The following FTO variants were observed in gnomAD, a reference collection of about 807,000 sequenced individuals.
FTO encodes the protein alpha-ketoglutarate-dependent dioxygenase FTO.
In FTO, 47 loss-of-function variants were observed where a neutral mutation model predicts 63.9. That is an observed-to-expected ratio of 0.74 (90% confidence interval 0.58 to 0.94). The LOEUF (loss-of-function observed/expected upper bound fraction) is 0.94, where lower values mean the gene tolerates loss of function less well. FTO is among the 40% of genes least tolerant of loss of function. FTO has a pLI of 0.00. For synonymous variants in FTO, 207 were observed against 224.4 expected, an observed-to-expected ratio of 0.92 and a Z score of 0.69; for missense variants, 562 against 618.1, an observed-to-expected ratio of 0.91 and a Z score of 0.96.
At chr16:53,751,996 T>TA (rs1172536012) in intron 1 of FTO, among the ~76,000 whole-genome samples, 1 of 152,244 alleles carries the variant, frequency 6.6e-6, no homozygotes, top group Non-Finnish European at 1.5e-5. Context: ...AGCTATGTTC[T>TA]ACTTACATGA....
At chr16:53,955,744 G>C (rs2082913804) in intron 8 of FTO, among the ~76,000 whole-genome samples, 1 of 152,128 alleles carries the variant, frequency 6.6e-6, no homozygotes, top group Admixed American at 6.6e-5. Flanking sequence ...TAAATGCCAA[G>C]TTAAATAACA....
intron 1 of FTO, among the ~76,000 whole-genome samples, chr16:53,801,801 C>A (rs773119621): frequency 2.5e-4 from 38 of 151,764 alleles, no homozygotes; most frequent in Non-Finnish European, 4.9e-4. Context: ...ACTCAGTCAC[C>A]CAGGCTGGAG....
chr16:54,022,045 A>G (rs1264094857), intron 8 of FTO, among the ~76,000 whole-genome samples: 1 of 152,142 alleles, frequency 6.6e-6, no homozygotes, highest in African/African-American at 2.4e-5. Context: ...ATAGATTTCT[A>G]TTTATTTGTG....
Position 54,118,963 on chromosome 16 carries a change from A to G in FTO, c.*7048A>G, listed in dbSNP as rs1341423666. The G allele has an allele frequency of 2.6e-5, 4 of 152,256 alleles. No homozygotes were observed. The highest frequency in any genetic ancestry group is 4.4e-5 in the Non-Finnish European group (3 of 68,066). 9.4% of individuals were successfully genotyped at this position (152,256 alleles called of 1,614,324 possible). A position where few individuals can be genotyped will look rare whatever the true frequency, so the allele number is the denominator to read the frequency against. On this transcript the variant is annotated 3_prime_UTR_variant, in exon 9 of 9. Coordinates refer to ENST00000471389, the MANE Select transcript of FTO (RefSeq NM_001080432.3). ...CTGGGTAATGGAAGAATTTCTACAT[A>G]CATTCATTACTTCTGATCAGGCAAG...
At chr16:54,027,466 A>C (rs2084740337) in intron 8 of FTO, among the ~76,000 whole-genome samples, 1 of 150,874 alleles carries the variant, frequency 6.6e-6, no homozygotes, top group Non-Finnish European at 1.5e-5. Context: ...AAAAGAAAAA[A>C]GGACATTAGG....
At chr16:53,778,460 C>T (rs997852032) in intron 1 of FTO, among the ~76,000 whole-genome samples, 3 of 152,112 alleles carry the variant, frequency 2.0e-5, no homozygotes, top group Admixed American at 6.5e-5. Flanking sequence ...AAGGCACCTG[C>T]AGTTTTACCC....
intron 8 of FTO, among the ~76,000 whole-genome samples, chr16:53,939,023 G>T (rs1292178488): frequency 6.6e-6 from 1 of 152,142 alleles, no homozygotes; most frequent in South Asian, 2.1e-4. Context: ...GCATGAACCC[G>T]GGAGGCGGAG....
chr16:54,080,868 C>A (rs2086124035), intron 8 of FTO, among the ~76,000 whole-genome samples: 3 of 152,176 alleles, frequency 2.0e-5, no homozygotes, highest in African/African-American at 7.2e-5. Context: ...GCATTGCTTG[C>A]TTAATAGACC....
intron 1 of FTO, among the ~76,000 whole-genome samples, chr16:53,785,538 AC>A (rs1470230940): frequency 6.6e-6 from 1 of 152,188 alleles, no homozygotes; most frequent in Admixed American, 6.5e-5. Context: ...GGGAGAGGAA[AC>A]ATCATTTGAA....
intron 8 of FTO, among the ~76,000 whole-genome samples, chr16:53,997,973 G>A (rs1286143435): frequency 1.3e-5 from 2 of 152,172 alleles, no homozygotes; most frequent in Non-Finnish European, 2.9e-5. Context: ...ATATTCCCAT[G>A]TTGATTGTTA....
intron 1 of FTO, among the ~76,000 whole-genome samples, chr16:53,745,160 A>T (rs919976467): frequency 6.6e-6 from 1 of 152,252 alleles, no homozygotes; most frequent in Non-Finnish European, 1.5e-5. Flanking sequence ...ACAAATGCTT[A>T]TGAATAATTC....
chr16:53,744,967 A>T (rs777870278), intron 1 of FTO, among the ~76,000 whole-genome samples: 1 of 152,112 alleles, frequency 6.6e-6, no homozygotes, highest in South Asian at 2.1e-4. Context: ...ATTAAATAAG[A>T]TCACTGATAT....
chr16:54,051,365 C>A (rs1045397901), intron 8 of FTO, among the ~76,000 whole-genome samples: 2 of 152,226 alleles, frequency 1.3e-5, no homozygotes, highest in Admixed American at 6.5e-5. Flanking sequence ...CAATAGCTGC[C>A]TAGCCAGTGC....
chr16:53,728,361 C>T (rs2076198518), intron 1 of FTO, among the ~76,000 whole-genome samples: 1 of 152,266 alleles, frequency 6.6e-6, no homozygotes, highest in East Asian at 1.9e-4. Flanking sequence ...TATGACATCA[C>T]GTTTTAGTCA....
chr16:53,803,075 C>G (rs992884546), intron 1 of FTO, among the ~76,000 whole-genome samples: 1 of 152,140 alleles, frequency 6.6e-6, no homozygotes, highest in Non-Finnish European at 1.5e-5. Context: ...ATTGTCTTGC[C>G]TTGTAGTATT....
chr16:54,094,637 G>A (rs780342966), intron 8 of FTO, among the ~76,000 whole-genome samples: 33 of 152,314 alleles, frequency 2.2e-4, no homozygotes, highest in Middle Eastern at 6.8e-3. Context: ...AGGCTTTGGC[G>A]TGATTCCTTC....
chr16:53,774,482 T>C (rs2077417892), intron 1 of FTO, among the ~76,000 whole-genome samples: 1 of 152,082 alleles, frequency 6.6e-6, no homozygotes, highest in Non-Finnish European at 1.5e-5. Context: ...AGATAGTACC[T>C]ATTTTCATAT....
intron 8 of FTO, among the ~76,000 whole-genome samples, chr16:54,032,209 G>A (rs925699529): frequency 8.5e-5 from 13 of 152,200 alleles, no homozygotes; most frequent in African/African-American, 3.1e-4. Context: ...GGTGATGTAA[G>A]CATGCATCTG....
At chr16:53,790,856 G>T (rs1264900711) in intron 1 of FTO, among the ~76,000 whole-genome samples, 1 of 152,108 alleles carries the variant, frequency 6.6e-6, no homozygotes, top group African/African-American at 2.4e-5. Context: ...TAGGAATTCT[G>T]GACATTTATC....
Sources: gnomAD v4.1 joint callset for allele counts (sites outside exome capture counted in the v4.1 genomes callset) on GRCh38, gnomAD v4.1.1 for gene constraint, MANE v1.5 for transcripts, NCBI Gene and HGNC (gene_info 2026-07-23, HGNC 2026-07-21) for gene names.